Variants in NAA35 observed in about 807,000 individuals in gnomAD.
NAA35 encodes the protein MAK10 homolog, amino-acid N-acetyltransferase subunit.
A neutral mutation model predicts 101.7 loss-of-function variants in NAA35; 18 were observed. The ratio of observed to expected loss-of-function variants is 0.18; its 90% CI spans 0.12 to 0.26. The LOEUF is 0.26. Ranked by LOEUF, NAA35 falls within the 10% of genes least tolerant of loss-of-function variation. The pLI is 1.00. For synonymous variants in NAA35, 267 were observed against 273.1 expected (o/e 0.98, Z 0.22); for missense variants, 601 against 886.8 (o/e 0.68, Z 4.09).
At chr9:85,980,742 A>G (rs1830405637) in intron 11 of NAA35, among the ~76,000 whole-genome samples, 1 of 152,208 alleles carries the variant, frequency 6.6e-6, no homozygotes, top group African/African-American at 2.4e-5. Flanking sequence ...CCTCTGTTGT[A>G]AAGTTTACAG....
At chr9:86,009,068 G>A (rs1263348660) in intron 14 of NAA35, among the ~76,000 whole-genome samples, 1 of 152,066 alleles carries the variant, frequency 6.6e-6, no homozygotes, top group Non-Finnish European at 1.5e-5. Flanking sequence ...GCTGTGTTGT[G>A]AGAAAGTTCT....
chr9:85,983,013 A>G (rs903344322), intron 11 of NAA35, among the ~76,000 whole-genome samples: 1 of 152,200 alleles, frequency 6.6e-6, no homozygotes, highest in African/African-American at 2.4e-5. Context: ...GGTATGAGAA[A>G]TTTAGCTGAA....
In NAA35 at chr9:86,024,843, A is replaced by G. The variant is rs1033116622; in HGVS notation, c.*2883A>G. ...CTGGGAGGTGCCATCTGGGGTGGAG[A>G]TGAACTGAGGACTCAGTAACTATAG... On this transcript the variant is annotated 3_prime_UTR_variant, in exon 23 of 23. Transcript: ENST00000361671. Among the ~76,000 whole-genome samples, 6 of 152,036 alleles carry G rather than the reference A, an allele frequency of 3.9e-5. No individual in the cohort carries two copies. Among genetic ancestry groups the G allele is most frequent in the Non-Finnish European group, 1.5e-5 (1 of 68,032 alleles).
At chr9:85,948,607 C>CAGA (rs1828870011) in intron 2 of NAA35, among the ~76,000 whole-genome samples, 1 of 152,156 alleles carries the variant, frequency 6.6e-6, no homozygotes, top group African/African-American at 2.4e-5. Context: ...CTCTTAATAT[C>CAGA]TGAAAATGTC....
chr9:85,980,393 G>A (rs751906545), intron 11 of NAA35, among the ~76,000 whole-genome samples: 4 of 149,798 alleles, frequency 2.7e-5, no homozygotes, highest in Non-Finnish European at 4.4e-5. Context: ...ACTCATGCCT[G>A]TCTTTTTGGT....
intron 2 of NAA35, among the ~76,000 whole-genome samples, chr9:85,955,264 A>G (rs1264778571): frequency 6.7e-6 from 1 of 148,962 alleles, no homozygotes; most frequent in Non-Finnish European, 1.5e-5. Context: ...TGGCTAGGGA[A>G]GATTGGCTAA....
rs375157108 is a variant in NAA35, at chr9:85,945,669, T to C, written c.124+3386T>C. ...GAGTAGCTGGGACTACAGGCGCCCG[T>C]CACCACGCCTGGCTAATTTTTTTGT... On this transcript the variant is annotated intron_variant, in intron 2 of 22. Transcript: ENST00000361671. Among the ~76,000 whole-genome samples, 244 of 151,994 alleles carry C rather than the reference T, an allele frequency of 1.6e-3. 1 individual carries two copies. Among genetic ancestry groups the C allele is most frequent in the African/African-American group, 3.7e-3 (154 of 41,430 alleles).
chr9:85,964,218 G>T (rs1002240067), intron 6 of NAA35, among the ~76,000 whole-genome samples: 1 of 149,822 alleles, frequency 6.7e-6, no homozygotes, highest in Non-Finnish European at 1.5e-5. Context: ...CATATGATTC[G>T]TATGCAGATT....
intron 2 of NAA35, among the ~76,000 whole-genome samples, chr9:85,950,229 G>A (rs1367259591): frequency 1.3e-5 from 2 of 152,140 alleles, no homozygotes; most frequent in African/African-American, 2.4e-5. Context: ...AAGTTTAATA[G>A]TGAGAGATAT....
chr9:85,958,165 T>C (rs922114934), intron 3 of NAA35, among the ~76,000 whole-genome samples: 1 of 152,116 alleles, frequency 6.6e-6, no homozygotes, highest in Non-Finnish European at 1.5e-5. Flanking sequence ...GGTCTTGAAC[T>C]CCCAACCTCA....
intron 6 of NAA35, among the ~76,000 whole-genome samples, chr9:85,973,702 A>G (rs1350566846): frequency 1.3e-5 from 2 of 152,032 alleles, no homozygotes; most frequent in East Asian, 1.9e-4. Context: ...AAGTAGAGAC[A>G]GACTATAAAA....
chr9:85,960,488 T>C (rs1829468121), intron 5 of NAA35, among the ~76,000 whole-genome samples: 2 of 152,220 alleles, frequency 1.3e-5, no homozygotes, highest in Admixed American at 6.5e-5. Flanking sequence ...TGTGTGTACT[T>C]GTATTAGGTG....
chr9:85,985,187 C>T (rs1176717260), intron 11 of NAA35, among the ~76,000 whole-genome samples: 2 of 152,136 alleles, frequency 1.3e-5, no homozygotes, highest in East Asian at 1.9e-4. Flanking sequence ...AGCCCTAATA[C>T]AGTACTGATT....
intron 11 of NAA35, chr9:85,986,955 T>A (rs1208602521): frequency 6.2e-6 from 1 of 162,186 alleles, no homozygotes; most frequent in East Asian, 1.9e-4. Flanking sequence ...GCATCACACA[T>A]AAAATATGCT....
At chr9:86,010,236 T>C (rs968805934) in intron 15 of NAA35, among the ~76,000 whole-genome samples, 4 of 151,940 alleles carry the variant, frequency 2.6e-5, no homozygotes. Flanking sequence ...AGTGAGACTT[T>C]GTCTCAATAA....
intron 12 of NAA35, among the ~76,000 whole-genome samples, chr9:85,997,928 G>T (rs1831242441): frequency 6.6e-6 from 1 of 151,390 alleles, no homozygotes. Context: ...TTGTTTGTTT[G>T]TTTTGAGACA....
rs566714472 is a variant in NAA35, at chr9:85,947,375, C to T, written c.124+5092C>T. ...TCTGTGTGGGGTGAGAGTCATTGTT[C>T]TAGGAATTTACTGTTTGTTAGCACT... On this transcript the variant is annotated intron_variant, in intron 2 of 22. Coordinates refer to ENST00000361671, the MANE Select transcript of NAA35 (RefSeq NM_024635.4). Among the ~76,000 whole-genome samples, 3 of 152,092 alleles carry T rather than the reference C, an allele frequency of 2.0e-5. No individual in the cohort carries two copies. The South Asian group carries it at 6.2e-4, about 32-fold the overall frequency.
At chr9:86,005,610 G>A (rs1206626460) in intron 13 of NAA35, among the ~76,000 whole-genome samples, 1 of 152,182 alleles carries the variant, frequency 6.6e-6, no homozygotes, top group East Asian at 1.9e-4. Context: ...TCCTAGAACT[G>A]ATTAGTGAAT....
intron 12 of NAA35, among the ~76,000 whole-genome samples, chr9:85,997,991 T>G (rs896132489): frequency 4.6e-5 from 7 of 152,226 alleles, no homozygotes; most frequent in Non-Finnish European, 8.8e-5. Context: ...CTTGGCTCAC[T>G]GCAAGCTCCA....
Sources: gnomAD v4.1 joint callset for allele counts (sites outside exome capture counted in the v4.1 genomes callset) on GRCh38, gnomAD v4.1.1 for gene constraint, MANE v1.5 for transcripts, NCBI Gene and HGNC (gene_info 2026-07-23, HGNC 2026-07-21) for gene names.